Variants in ELAVL2 observed in about 807,000 individuals in gnomAD.
ELAVL2 encodes ELAV-like protein 2.
ELAVL2 carries 4 observed loss-of-function variants against 34.6 expected under a neutral mutation model. The ratio of observed to expected loss-of-function variants is 0.12; its 90% CI spans 0.06 to 0.26. ELAVL2 has a LOEUF of 0.26. Ranked by LOEUF, ELAVL2 falls within the 10% of genes least tolerant of loss-of-function variation. The probability of loss-of-function intolerance (pLI) is 1.00; values close to 1 mark genes in which losing one functional copy is unlikely to be tolerated. For missense variants in ELAVL2, 432 were observed against 442.8 expected (o/e 0.98, Z 0.22); for synonymous variants, 193 against 154.8 (o/e 1.25, Z -1.83).
At chr9:23,779,381 C>G (rs778717846) in intron 1 of ELAVL2, 35 of 985,218 alleles carry the variant, frequency 3.6e-5, no homozygotes, top group Non-Finnish European at 3.9e-5. Context: ...AAAGCAACGC[C>G]CTGCCTAAAC....
chr9:23,732,174 G>T (rs1358704086), intron 2 of ELAVL2, among the ~76,000 whole-genome samples: 1 of 152,190 alleles, frequency 6.6e-6, no homozygotes, highest in South Asian at 2.1e-4. Context: ...TACTACTGTT[G>T]CATCAATTTC....
intron 1 of ELAVL2, among the ~76,000 whole-genome samples, chr9:23,776,889 T>C (rs995641026): frequency 6.6e-6 from 1 of 152,148 alleles, no homozygotes; most frequent in African/African-American, 2.4e-5. Context: ...AACAGGAGAC[T>C]GTGCACAGCA....
At chr9:23,741,910 T>G (rs557480003) in intron 2 of ELAVL2, among the ~76,000 whole-genome samples, 18 of 152,286 alleles carry the variant, frequency 1.2e-4, no homozygotes, top group African/African-American at 4.1e-4. Flanking sequence ...CCTCTTGTGT[T>G]CTGGCTTTCA....
chr9:23,708,094 G>C (rs567297616), intron 3 of ELAVL2, among the ~76,000 whole-genome samples: 1 of 151,540 alleles, frequency 6.6e-6, no homozygotes, highest in South Asian at 2.1e-4. Context: ...TGTATCTTTA[G>C]TTCCCAGCCA....
chr9:23,692,230 A>G lies in ELAVL2; in HGVS notation c.*327T>C, dbSNP rs2033393801. On this transcript the variant is annotated 3_prime_UTR_variant, in exon 7 of 7. Coordinates refer to ENST00000397312, the MANE Select transcript of ELAVL2 (RefSeq NM_004432.5). The stretch of plus-strand genomic sequence containing the variant: ...AGCCTCAATATTTACTCACAGGTTC[A>G]AGGCAGTTATGTAAAAAGAAAAGAA... The G allele has an allele frequency of 4.7e-6, 1 of 210,736 alleles. No homozygotes were observed. Among genetic ancestry groups the G allele is most frequent in the South Asian group, 1.2e-4 (1 of 8,428 alleles). 13.1% of individuals were successfully genotyped at this position (210,736 alleles called of 1,614,324 possible).
chr9:23,718,237 T>G (rs2042803266), intron 3 of ELAVL2, among the ~76,000 whole-genome samples: 1 of 152,190 alleles, frequency 6.6e-6, no homozygotes, highest in Non-Finnish European at 1.5e-5. Context: ...AAGGATGTTT[T>G]ATGTCAACAA....
At chr9:23,800,589 A>T (rs1035467989) in intron 1 of ELAVL2, among the ~76,000 whole-genome samples, 2 of 152,196 alleles carry the variant, frequency 1.3e-5, no homozygotes, top group African/African-American at 4.8e-5. Flanking sequence ...CTTTCAAAGA[A>T]CATAGGTCAT....
chr9:23,691,121 T>A lies in ELAVL2; in HGVS notation c.*1436A>T, dbSNP rs2033030034. The A allele has an allele frequency of 6.6e-6, 1 of 152,534 alleles. No homozygotes were observed. The highest frequency in any genetic ancestry group is 2.1e-4 in the South Asian group (1 of 4,828). 9.4% of individuals were successfully genotyped at this position (152,534 alleles called of 1,614,324 possible). On this transcript the variant is annotated 3_prime_UTR_variant, in exon 7 of 7. Transcript: ENST00000397312. ...CAGACAAAATTTGCAACAAATCTGA[T>A]GCACTGTAAATTCAAGTCCTCAGGA...
chr9:23,801,774 G>A (rs2061594350), intron 1 of ELAVL2, among the ~76,000 whole-genome samples: 1 of 152,070 alleles, frequency 6.6e-6, no homozygotes, highest in Non-Finnish European at 1.5e-5. Flanking sequence ...TATTAAATGT[G>A]GAATCATACA....
upstream of ELAVL2, among the ~76,000 whole-genome samples, chr9:23,828,845 T>C (rs1474908162): frequency 6.6e-6 from 1 of 152,160 alleles, no homozygotes; most frequent in Non-Finnish European, 1.5e-5. Context: ...CTTTTAAAAA[T>C]AAAAAATATT....
intron 3 of ELAVL2, among the ~76,000 whole-genome samples, chr9:23,706,902 G>A (rs536017048): frequency 2.0e-5 from 3 of 152,086 alleles, no homozygotes; most frequent in African/African-American, 7.2e-5. Context: ...TAAAGACCTC[G>A]TTATCTTTCA....
intron 3 of ELAVL2, among the ~76,000 whole-genome samples, chr9:23,715,272 C>A (rs528675887): frequency 2.0e-4 from 31 of 152,274 alleles, no homozygotes; most frequent in African/African-American, 7.2e-4. Context: ...CCTCAGCCTC[C>A]CGAGTAGCTG....
At chr9:23,700,219 A>AT (rs1441623760) in intron 5 of ELAVL2, among the ~76,000 whole-genome samples, 1 of 152,214 alleles carries the variant, frequency 6.6e-6, no homozygotes, top group Non-Finnish European at 1.5e-5. Context: ...CTTGGAAATA[A>AT]TTTTTAAAAA....
At chr9:23,788,080 T>TGTC (rs2059911150) in intron 1 of ELAVL2, among the ~76,000 whole-genome samples, 1 of 152,194 alleles carries the variant, frequency 6.6e-6, no homozygotes, top group Non-Finnish European at 1.5e-5. Context: ...CTTTTAAGAC[T>TGTC]GTAGGTAAGA....
At position 23,762,200 on chromosome 9, in the gene ELAVL2, T is replaced by G. The variant is rs547120448; in HGVS notation, c.35A>C (p.Asn12Thr). Residue 12 changes from asparagine (N) to threonine (T), a missense_variant, in exon 2 of 7, where the codon AAT becomes ACT. Asn to Thr is a moderately conservative substitution (Grantham distance 65). Around this residue, in one of 3 missense-constraint regions of ELAVL2, gnomAD observed 132 missense variants for 118.3 expected, o/e 1.12. Coordinates refer to ENST00000397312, the MANE Select transcript of ELAVL2 (RefSeq NM_004432.5). ...GGTGGTTGGACCATTGGCTGTGTTA[T>G]TGCAAGTTGGCCCATTAGACAGTTG... is the stretch of plus-strand genomic sequence containing the variant. ...ETQLSNGPTC[N>T]NTANGPTTIN... 1 of 1,613,598 alleles carries G rather than the reference T, an allele frequency of 6.2e-7. No individual in the cohort carries two copies. Among genetic ancestry groups the G allele is most frequent in the Non-Finnish European group, 8.5e-7 (1 of 1,179,618 alleles).
chr9:23,830,623 C>CACACACACA (rs1005897669), upstream of ELAVL2, among the ~76,000 whole-genome samples: 1 of 147,464 alleles, frequency 6.8e-6, no homozygotes, highest in African/African-American at 2.5e-5. Context: ...CACACACACA[C>CACACACACA]ACCTTTTTTT....
At chr9:23,847,210 A>T in the ELAVL2 span, 1 of 152,090 alleles carries the variant, frequency 6.6e-6, no homozygotes, top group Non-Finnish European at 1.5e-5. Flanking sequence ...ATAAATGAAG[A>T]TTATTTTTGC....
At chr9:23,793,739 T>C (rs1213276472) in intron 1 of ELAVL2, among the ~76,000 whole-genome samples, 1 of 152,186 alleles carries the variant, frequency 6.6e-6, no homozygotes, top group Admixed American at 6.5e-5. Context: ...ACCTGGCTCT[T>C]GATTTTTACA....
intron 1 of ELAVL2, among the ~76,000 whole-genome samples, chr9:23,800,957 AG>A (rs2061500229): frequency 6.6e-6 from 1 of 152,130 alleles, no homozygotes. Context: ...ACCTTATTTG[AG>A]GGCTTTCCAG....
Sources: allele counts gnomAD v4.1 joint callset (sites outside exome capture counted in the v4.1 genomes callset), GRCh38; gene constraint gnomAD v4.1.1; regional missense constraint gnomAD v4.1.1; transcripts MANE v1.5; gene names NCBI Gene and HGNC (gene_info 2026-07-23, HGNC 2026-07-21).